BCAS3: variants seen among roughly 807,000 people sequenced by gnomAD.
The protein encoded by BCAS3 is BCAS4/BCAS3 fusion.
Under a neutral mutation model 116.1 loss-of-function variants are expected in BCAS3, and 53 were observed. The observed-to-expected ratio is 0.46, with a 90% CI of 0.37 to 0.57. The LOEUF is 0.57. Among genes scored for constraint, BCAS3 ranks in the 20% least tolerant of loss-of-function variants. The pLI is 0.00. For missense variants in BCAS3, 917 were observed against 1,165.4 expected, an observed-to-expected ratio of 0.79 and a Z score of 3.10; for synonymous variants, 391 against 408.2, an observed-to-expected ratio of 0.96 and a Z score of 0.51.
intron 13 of BCAS3, among the ~76,000 whole-genome samples, chr17:60,938,113 C>G (rs764807549): frequency 1.8e-4 from 28 of 152,118 alleles, no homozygotes; most frequent in Non-Finnish European, 2.8e-4. Flanking sequence ...CCAGGATGGT[C>G]TCAATCTCCT....
intron 6 of BCAS3, among the ~76,000 whole-genome samples, chr17:60,802,863 C>T (rs998292168): frequency 1.3e-5 from 2 of 152,194 alleles, no homozygotes; most frequent in South Asian, 2.1e-4. Context: ...TCCTGACCTC[C>T]GCCTCGGCCT....
At chr17:61,255,579 G>A (rs1240935582) in intron 22 of BCAS3, among the ~76,000 whole-genome samples, 2 of 152,216 alleles carry the variant, frequency 1.3e-5, no homozygotes, top group Non-Finnish European at 2.9e-5. Flanking sequence ...TGGAATCAAT[G>A]TTAGTGCTGA....
Position 61,188,042 on chromosome 17 carries a change from T to C in BCAS3, c.2425+103478T>C, listed in dbSNP as rs551921041. On this transcript the variant is annotated intron_variant, in intron 22 of 23. Coordinates refer to ENST00000407086, the MANE Select transcript of BCAS3 (RefSeq NM_017679.5). This position sits in a 1 kb window ranked among gnomAD's most constrained non-coding sequence, Gnocchi z 4.0. The stretch of plus-strand genomic sequence containing the variant: ...TTTTTCTAAAATTTAAAAATGTTCC[T>C]GTCTTTAACATTCATCTTCCAGTGT... Among the ~76,000 whole-genome samples the C allele has an allele frequency of 1.3e-3, 199 of 152,338 alleles. 1 individual carries two copies. In the Middle Eastern group the frequency reaches 0.014, roughly 10 times the overall value.
At position 61,098,972 on chromosome 17, in the gene BCAS3, A is replaced by G. The variant is rs2074147430; in HGVS notation, c.2425+14408A>G. Reference sequence around the variant, plus strand: ...ACCCCATCTCTACTAAAAATACGAAAAATTAGCCGGGCATGGTGGCGCACA... The same window carrying G: ...ACCCCATCTCTACTAAAAATACGAAGAATTAGCCGGGCATGGTGGCGCACA... On this transcript the variant is annotated intron_variant, in intron 22 of 23. Coordinates refer to ENST00000407086, the MANE Select transcript of BCAS3 (RefSeq NM_017679.5). This position sits in a 1 kb window ranked among gnomAD's most constrained non-coding sequence, Gnocchi z 4.2. Among the ~76,000 whole-genome samples, 1 of 152,054 alleles carries G rather than the reference A, an allele frequency of 6.6e-6. No individual in the cohort carries two copies. Among genetic ancestry groups the G allele is most frequent in the African/African-American group, 2.4e-5 (1 of 41,400 alleles).
intron 7 of BCAS3, among the ~76,000 whole-genome samples, chr17:60,855,040 C>T (rs920403882): frequency 1.4e-5 from 2 of 144,576 alleles, no homozygotes; most frequent in Non-Finnish European, 3.0e-5. Flanking sequence ...ACCTCTGCCT[C>T]CCAGGTTCAA....
At position 61,126,045 on chromosome 17, in the gene BCAS3, A is replaced by G. The variant is rs2076030296; in HGVS notation, c.2425+41481A>G. 6.6e-6 allele frequency among the ~76,000 whole-genome samples: 1 copy of G among 152,190 alleles called. No individual in the cohort carries two copies. The highest frequency in any genetic ancestry group is 2.4e-5 in the African/African-American group (1 of 41,470). On this transcript the variant is annotated intron_variant, in intron 22 of 23. Transcript: ENST00000407086. This position sits in a 1 kb window ranked among gnomAD's most constrained non-coding sequence, Gnocchi z 4.6. ...AATTGTGTTATTGGGAATTCTGAGT[A>G]ATGTGAAATGTATGTGAATTGGAAG...
chr17:61,125,884 C>G (rs1437458182), intron 22 of BCAS3, among the ~76,000 whole-genome samples: 2 of 152,084 alleles, frequency 1.3e-5, no homozygotes, highest in Non-Finnish European at 2.9e-5. Context: ...TGAAGATAGG[C>G]TTTTCATGAT....
At chr17:61,242,887 T>C (rs542127264) in intron 22 of BCAS3, among the ~76,000 whole-genome samples, 2 of 151,736 alleles carry the variant, frequency 1.3e-5, no homozygotes, top group Non-Finnish European at 2.9e-5. Context: ...TGAGATATGA[T>C]TGACATACAA....
In BCAS3 at chr17:61,180,958, C is replaced by A. The variant is rs946167105; in HGVS notation, c.2425+96394C>A. ...TAAGGTCAGGCACGATGGCTCACAC[C>A]TGTAATCTTAGCACTTTGGGAGGCT... On this transcript the variant is annotated intron_variant, in intron 22 of 23. Transcript: ENST00000407086. The surrounding 1 kb of genome is among the most constrained non-coding windows in gnomAD (Gnocchi z 6.0). Among the ~76,000 whole-genome samples the A allele has an allele frequency of 6.6e-6, 1 of 152,140 alleles. No individual in the cohort carries two copies. Among genetic ancestry groups the A allele is most frequent in the Admixed American group, 6.5e-5 (1 of 15,276 alleles).
chr17:61,243,660 A>T lies in BCAS3; in HGVS notation c.2426-124667A>T, dbSNP rs2047702818. The stretch of plus-strand genomic sequence containing the variant: ...AATCACCATTATCCTGATTTTCAGG[A>T]CTTTCATTCACTTCCTTCATGTAGC... On this transcript the variant is annotated intron_variant, in intron 22 of 23. Transcript: ENST00000407086. The surrounding 1 kb of genome is among the most constrained non-coding windows in gnomAD (Gnocchi z 5.6). Among the ~76,000 whole-genome samples, 1 of 152,244 alleles carries T rather than the reference A, an allele frequency of 6.6e-6. No individual in the cohort carries two copies. The highest frequency in any genetic ancestry group is 6.5e-5 in the Admixed American group (1 of 15,292).
chr17:61,373,804 C>CTTTTTTTTTTTTTTTTTTTTTT (rs201141656), intron 23 of BCAS3, among the ~76,000 whole-genome samples: 1 of 76,084 alleles, frequency 1.3e-5, no homozygotes, highest in African/African-American at 4.2e-5. Context: ...TCTTCTTCTT[C>CTTTTTTTTTTTTTTTTTTTTTT]TTTGTTTTTT....
rs891425376 is a variant in BCAS3 at position 61,074,956 on chromosome 17, A to G, written c.2066A>G (p.His689Arg). 1.9e-6 allele frequency: 3 copies of G among 1,613,668 alleles called. No individual in the cohort carries two copies. The highest frequency in any genetic ancestry group is 2.5e-6 in the Non-Finnish European group (3 of 1,179,774). ...PPGSPGPITR[H>R]GSYDSLASDH... Reference sequence around the variant, plus strand: ...GGAAGTCCTGGGCCCATTACTCGACATGGGTCTTACGACAGTTTAGCTTCT... The same window carrying G: ...GGAAGTCCTGGGCCCATTACTCGACGTGGGTCTTACGACAGTTTAGCTTCT... The change falls in exon 20 of 24, where the codon CAT becomes CGT. Residue 689 changes from histidine (H) to arginine (R), a missense_variant. By Grantham distance (29) the His-to-Arg change is conservative. Transcript: ENST00000407086.
intron 22 of BCAS3, among the ~76,000 whole-genome samples, chr17:61,290,186 G>A (rs2052247915): frequency 6.6e-6 from 1 of 152,196 alleles, no homozygotes; most frequent in South Asian, 2.1e-4. Context: ...TGACTTTAAT[G>A]AAGACATATT....
In BCAS3 at chr17:61,041,975, A is replaced by G. The variant is rs1239262323; in HGVS notation, c.2029+1083A>G. 4.6e-5 allele frequency among the ~76,000 whole-genome samples: 7 copies of G among 152,138 alleles called. No homozygotes were observed. In the South Asian group the frequency reaches 8.3e-4, roughly 18 times the overall value. ...GGAGATAGACATTTAATAAAAAAGTAAAATAAAGTGGGGTAGGTGTGTCAG... is the reference window on the plus strand; with the variant it reads ...GGAGATAGACATTTAATAAAAAAGTGAAATAAAGTGGGGTAGGTGTGTCAG... On this transcript the variant is annotated intron_variant, in intron 19 of 23. Transcript: ENST00000407086. This position sits in a 1 kb window ranked among gnomAD's most constrained non-coding sequence, Gnocchi z 4.7.
At chr17:61,345,937 G>A (rs951592733) in intron 22 of BCAS3, among the ~76,000 whole-genome samples, 1 of 152,126 alleles carries the variant, frequency 6.6e-6, no homozygotes, top group South Asian at 2.1e-4. Context: ...ATCCTAGAAG[G>A]GCCAATTGTA....
intron 22 of BCAS3, among the ~76,000 whole-genome samples, chr17:61,295,728 G>C (rs1216924559): frequency 6.6e-6 from 1 of 151,770 alleles, no homozygotes; most frequent in African/African-American, 2.4e-5. Context: ...CGAGGCGGGT[G>C]GATCACGAGG....
intron 22 of BCAS3, among the ~76,000 whole-genome samples, chr17:61,299,135 G>A (rs1476030800): frequency 6.6e-6 from 1 of 151,044 alleles, no homozygotes; most frequent in Non-Finnish European, 1.5e-5. Flanking sequence ...TAATTTAAAT[G>A]TAGATAGCAA....
Position 61,248,194 on chromosome 17 carries a change from T to C in BCAS3, c.2426-120133T>C, listed in dbSNP as rs996491313. ...ACAAAGCCACCAAGGGAACTTCTTC[T>C]GATCCTATCTCTTTTGTAGGTGGTA... On this transcript the variant is annotated intron_variant, in intron 22 of 23. Coordinates refer to ENST00000407086, the MANE Select transcript of BCAS3 (RefSeq NM_017679.5). The surrounding 1 kb of genome is among the most constrained non-coding windows in gnomAD (Gnocchi z 4.3). Among the ~76,000 whole-genome samples the C allele has an allele frequency of 1.3e-5, 2 of 152,230 alleles. No individual in the cohort carries two copies. Among genetic ancestry groups the C allele is most frequent in the East Asian group, 3.8e-4 (2 of 5,198 alleles).
chr17:60,994,470 AT>A lies in BCAS3; in HGVS notation c.1486+4241del. ...AAATGGTTAAGAATCCCTGATCATC[AT>A]TTTTTCCCTCATCTATATCAGTAAT... On this transcript the variant is annotated intron_variant, in intron 15 of 23. Transcript: ENST00000407086. The surrounding 1 kb of genome is among the most constrained non-coding windows in gnomAD (Gnocchi z 4.4). Among the ~76,000 whole-genome samples, 1 of 152,138 alleles carries A rather than the reference AT, an allele frequency of 6.6e-6. No homozygotes were observed. The highest frequency in any genetic ancestry group is 1.9e-4 in the East Asian group (1 of 5,174).
Sources: allele counts gnomAD v4.1 joint callset (sites outside exome capture counted in the v4.1 genomes callset), GRCh38; gene constraint gnomAD v4.1.1; non-coding constraint Gnocchi (gnomAD v3.1); transcripts MANE v1.5; gene names NCBI Gene and HGNC (gene_info 2026-07-23, HGNC 2026-07-21).